THRB: variants seen among roughly 807,000 people sequenced by gnomAD.
THRB encodes the protein nuclear receptor subfamily 1 group A member 2.
THRB carries 12 observed loss-of-function variants against 47.8 expected under a neutral mutation model. The ratio of observed to expected loss-of-function variants is 0.25; its 90% confidence interval spans 0.16 to 0.41. The LOEUF is 0.41. Among genes scored for constraint, THRB ranks in the 10% least tolerant of loss-of-function variants. The probability of loss-of-function intolerance (pLI) is 1.00; values close to 1 mark genes in which losing one functional copy is unlikely to be tolerated. For synonymous variants in THRB, 218 were observed against 212.2 expected (o/e 1.03, Z -0.24); for missense variants, 348 against 589.2 (o/e 0.59, Z 4.24).
chr3:24,248,468 T>C (rs1457848519), intron 3 of THRB, among the ~76,000 whole-genome samples: 13 of 151,710 alleles, frequency 8.6e-5, no homozygotes, highest in Admixed American at 8.5e-4. Context: ...TACTGAGTTT[T>C]TGACCCAAAA....
At chr3:24,140,471 C>T (rs2035288954) in intron 8 of THRB, among the ~76,000 whole-genome samples, 1 of 152,188 alleles carries the variant, frequency 6.6e-6, no homozygotes. Flanking sequence ...CCCTGGGCTG[C>T]TTGGGAATCT....
At chr3:24,213,026 C>T (rs7632417) in intron 4 of THRB, among the ~76,000 whole-genome samples, 12,311 of 152,134 alleles carry the variant, frequency 0.081, 1,506 homozygotes, top group African/African-American at 0.27. Context: ...TCTGGCGATA[C>T]GGTATGACAT....
intron 3 of THRB, among the ~76,000 whole-genome samples, chr3:24,241,664 G>A (rs2049523262): frequency 6.6e-6 from 1 of 152,102 alleles, no homozygotes; most frequent in Non-Finnish European, 1.5e-5. Context: ...CAAACCAAGT[G>A]CACCTTTCTA....
intron 1 of THRB, among the ~76,000 whole-genome samples, chr3:24,440,352 T>C (rs1445826077): frequency 1.3e-5 from 2 of 152,140 alleles, no homozygotes; most frequent in Non-Finnish European, 1.5e-5. Context: ...AGTACCTTGA[T>C]GGGGCTAAGA....
At position 24,377,707 on chromosome 3, in the gene THRB, T is replaced by G. The variant is rs12639559; in HGVS notation, c.-260-40336A>C. 8.9e-3 allele frequency among the ~76,000 whole-genome samples: 1,359 copies of G among 152,174 alleles called. 25 individuals carry two copies. The highest frequency in any genetic ancestry group is 0.067 in the East Asian group (345 of 5,160). On this transcript the variant is annotated intron_variant, in intron 1 of 10. Coordinates refer to ENST00000646209, the MANE Select transcript of THRB (RefSeq NM_001354712.2). ...AACTTTCTAGTGAGAGAGTCAACAT[T>G]TGATAGCTGAAAATTGATAGTCCTG...
chr3:24,274,270 C>G (rs948727615), intron 3 of THRB, among the ~76,000 whole-genome samples: 1 of 152,104 alleles, frequency 6.6e-6, no homozygotes, highest in African/African-American at 2.4e-5. Context: ...GGCACTTACA[C>G]AGGCCTAATA....
intron 1 of THRB, among the ~76,000 whole-genome samples, chr3:24,424,715 T>C (rs1296918149): frequency 6.6e-6 from 1 of 152,010 alleles, no homozygotes; most frequent in Non-Finnish European, 1.5e-5. Flanking sequence ...TTTAAAAAAT[T>C]GTAAAAGCCT....
chr3:24,139,261 A>G (rs899255364), intron 8 of THRB, among the ~76,000 whole-genome samples: 2 of 152,248 alleles, frequency 1.3e-5, no homozygotes, highest in African/African-American at 4.8e-5. Flanking sequence ...GAAAATCTTA[A>G]TGGCTTTTGC....
chr3:24,461,164 A>G (rs556375245), intron 1 of THRB, among the ~76,000 whole-genome samples: 1 of 152,216 alleles, frequency 6.6e-6, no homozygotes, highest in Non-Finnish European at 1.5e-5. Flanking sequence ...ATTCATCAGC[A>G]TCACTTTGGA....
Position 24,222,471 on chromosome 3 carries a change from G to C in THRB, c.22+6467C>G, listed in dbSNP as rs371143433. Among the ~76,000 whole-genome samples, 22 of 152,266 alleles carry C rather than the reference G, an allele frequency of 1.4e-4. No individual in the cohort carries two copies. In the South Asian group the frequency reaches 4.4e-3, roughly 30 times the overall value. On this transcript the variant is annotated intron_variant, in intron 4 of 10. Coordinates refer to ENST00000646209, the MANE Select transcript of THRB (RefSeq NM_001354712.2). ...TCCAGATTCCTGACTGCAGCGGGGA[G>C]GGGAGGCAGTGTGTACAGCCGACTC...
chr3:24,126,024 T>C (rs1034348133), intron 10 of THRB, among the ~76,000 whole-genome samples: 1 of 152,276 alleles, frequency 6.6e-6, no homozygotes, highest in African/African-American at 2.4e-5. Context: ...ATAAAAAGAA[T>C]TATTTCTTTC....
chr3:24,478,273 A>G (rs1333310606), intron 1 of THRB, among the ~76,000 whole-genome samples: 1 of 152,130 alleles, frequency 6.6e-6, no homozygotes, highest in East Asian at 1.9e-4. Context: ...GCTATCTTTT[A>G]TGTCATCATT....
intron 4 of THRB, among the ~76,000 whole-genome samples, chr3:24,214,164 A>C (rs2149898745): frequency 6.6e-6 from 1 of 152,302 alleles, no homozygotes. Flanking sequence ...AATGGACTTG[A>C]GGTGGATGTG....
intron 1 of THRB, among the ~76,000 whole-genome samples, chr3:24,379,480 T>C (rs1480743385): frequency 6.6e-6 from 1 of 152,136 alleles, no homozygotes; most frequent in East Asian, 1.9e-4. Context: ...AGAAAAGTTT[T>C]TGAGCTATAA....
chr3:24,450,179 C>T (rs973009415), intron 1 of THRB, among the ~76,000 whole-genome samples: 3 of 152,238 alleles, frequency 2.0e-5, no homozygotes, highest in South Asian at 2.1e-4. Flanking sequence ...AAAACTTCCA[C>T]AGGTATAATG....
At chr3:24,356,688 ATT>A (rs1362223796) in intron 1 of THRB, among the ~76,000 whole-genome samples, 1 of 142,252 alleles carries the variant, frequency 7.0e-6, no homozygotes, top group Non-Finnish European at 1.5e-5. Flanking sequence ...GCTTTCAGGT[ATT>A]TGTTACAGCA....
At chr3:24,224,813 A>G (rs1000276376) in intron 4 of THRB, among the ~76,000 whole-genome samples, 4 of 152,320 alleles carry the variant, frequency 2.6e-5, no homozygotes, top group South Asian at 4.1e-4. Context: ...GGAACTAGGG[A>G]TGAACTGCTT....
chr3:24,409,047 T>C (rs561355985), intron 1 of THRB, among the ~76,000 whole-genome samples: 1 of 151,970 alleles, frequency 6.6e-6, no homozygotes, highest in African/African-American at 2.4e-5. Context: ...AATTACAGTT[T>C]GACACTTTCT....
chr3:24,340,896 ATCT>A (rs944117890), intron 1 of THRB, among the ~76,000 whole-genome samples: 3 of 152,282 alleles, frequency 2.0e-5, no homozygotes, highest in Non-Finnish European at 2.9e-5. Flanking sequence ...AAAGCTGTAA[ATCT>A]TCTGATACGT....
Sources: allele counts gnomAD v4.1 joint callset (sites outside exome capture counted in the v4.1 genomes callset), GRCh38; gene constraint gnomAD v4.1.1; transcripts MANE v1.5; gene names NCBI Gene and HGNC (gene_info 2026-07-23, HGNC 2026-07-21).